ADGRE2: variants seen among roughly 807,000 people sequenced by gnomAD.
ADGRE2 encodes the protein CD97 antigen.
ADGRE2 carries 83 observed loss-of-function variants against 100.8 expected under a neutral mutation model. The ratio of observed to expected loss-of-function variants is 0.82; its 90% CI spans 0.69 to 0.99. The LOEUF (loss-of-function observed/expected upper bound fraction) is 0.99. Ranked by LOEUF, ADGRE2 falls within the 50% of genes least tolerant of loss-of-function variation. The pLI, the probability that ADGRE2 is intolerant of heterozygous loss-of-function variation, is 0.00. For synonymous variants in ADGRE2, 355 were observed against 413.0 expected, an observed-to-expected ratio of 0.86 and a Z score of 1.70; for missense variants, 814 against 1,035.7, an observed-to-expected ratio of 0.79 and a Z score of 2.94.
intron 11 of ADGRE2, among the ~76,000 whole-genome samples, chr19:14,762,390 G>T (rs1434512333): frequency 6.6e-6 from 1 of 152,084 alleles, no homozygotes; most frequent in East Asian, 1.9e-4. Context: ...AGACTAGATG[G>T]TCACATATTG....
chr19:14,731,353 C>T, downstream of ADGRE2: 2 of 667,508 alleles, frequency 3.0e-6, no homozygotes. Flanking sequence ...TCCGTGACAT[C>T]CGGGCTCCTT....
At chr19:14,770,684 T>TTTG (rs1568623367) in intron 5 of ADGRE2, among the ~76,000 whole-genome samples, 1 of 128,322 alleles carries the variant, frequency 7.8e-6, no homozygotes, top group African/African-American at 2.9e-5. Context: ...TTTTTTTTTT[T>TTTG]TTTTTTTTTT....
intron 16 of ADGRE2, among the ~76,000 whole-genome samples, chr19:14,750,413 T>A (rs1352915982): frequency 3.9e-5 from 6 of 152,092 alleles, no homozygotes; most frequent in African/African-American, 1.4e-4. Flanking sequence ...AAAGAATTTC[T>A]TTAACCTGAA....
At chr19:14,773,305 C>T (rs991525102) in intron 4 of ADGRE2, among the ~76,000 whole-genome samples, 2 of 146,910 alleles carry the variant, frequency 1.4e-5, no homozygotes, top group African/African-American at 5.1e-5. Context: ...TTCCTTCCTT[C>T]TTTCCTCCCT....
Position 14,765,362 on chromosome 19 carries a change from C to G in ADGRE2, c.864G>C (p.Leu288=), listed in dbSNP as rs540684090. ...LSRFFDKVQD[L]GRDYKPGLAN... is the part of the protein sequence containing the mutation. ...CCAAGCCTGGCTTGTAGTCTCTGCC[C>G]AGGTCCTGGACTTTGTCGAAGAATC... Residue 288 remains leucine, a synonymous_variant, in exon 10 of 21, where the codon CTG becomes CTC. Coordinates refer to ENST00000315576, the MANE Select transcript of ADGRE2 (RefSeq NM_013447.4). The G allele has an allele frequency of 3.7e-5, 60 of 1,614,040 alleles. No individual in the cohort carries two copies. The South Asian group carries it at 5.4e-4, about 14-fold the overall frequency.
Position 14,751,645 on chromosome 19 carries a change from G to A in ADGRE2, c.1815C>T (p.Thr605=), listed in dbSNP as rs1289191831. ...HKVLCSIIAG[T]LHYLYLATLT... ...AGGTGGCCAGGTAGAGATAGTGCAA[G>A]GTACCGGCGATGATGGAGCACAGCA... Residue 605 remains threonine (T), a synonymous_variant, in exon 16 of 21, where the codon ACC becomes ACT. Transcript: ENST00000315576. 8 of 1,614,040 alleles carry A rather than the reference G, an allele frequency of 5.0e-6. No homozygotes were observed. Among genetic ancestry groups the A allele is most frequent in the Non-Finnish European group, 6.8e-6 (8 of 1,179,998 alleles).
chr19:14,755,621 A>T (rs1568599610), intron 13 of ADGRE2, 33 bp downstream of exon 13: 1 of 1,592,362 alleles, frequency 6.3e-7, no homozygotes, highest in East Asian at 2.2e-5. Context: ...GACTCAGACT[A>T]TTCACCCACC....
At chr19:14,755,517 G>A (rs1330999662) in intron 13 of ADGRE2, 137 bp downstream of exon 13, 4 of 777,754 alleles carry the variant, frequency 5.1e-6, no homozygotes, top group African/African-American at 3.5e-5. Context: ...ACCCAAAGCC[G>A]GCTTGGGAAG....
chr19:14,773,357 T>C (rs2044294025), intron 4 of ADGRE2, among the ~76,000 whole-genome samples: 2 of 128,768 alleles, frequency 1.6e-5, no homozygotes, highest in Admixed American at 8.4e-5. Context: ...TCCCTCCCTC[T>C]CTCTCTTTTT....
rs1189594121 is a variant in ADGRE2, at chr19:14,744,717, AGT to A, written c.2184-935_2184-934del. 3.3e-5 allele frequency among the ~76,000 whole-genome samples: 5 copies of A among 151,758 alleles called. No individual in the cohort carries two copies. The East Asian group carries it at 9.7e-4, about 30-fold the overall frequency. On this transcript the variant is annotated intron_variant, in intron 18 of 20. Transcript: ENST00000315576. ...TGATCCGCCTACCTCGGCCTCCCAA[AGT>A]GTTAGGATTACAGGCGTGAGCCACC... is the stretch of plus-strand genomic sequence containing the variant.
intron 2 of ADGRE2, 141 bp downstream of exon 2, chr19:14,776,585 G>C: frequency 1.0e-6 from 1 of 986,502 alleles, no homozygotes; most frequent in Non-Finnish European, 1.5e-6. Flanking sequence ...CCGTGTGCCC[G>C]TGAGTGCCTG....
Position 14,764,563 on chromosome 19 carries a change from C to T in ADGRE2, c.954G>A (p.Leu318=), listed in dbSNP as rs1211847043. 1 of 1,612,830 alleles carries T rather than the reference C, an allele frequency of 6.2e-7. No individual in the cohort carries two copies. Among genetic ancestry groups the T allele is most frequent in the Non-Finnish European group, 8.5e-7 (1 of 1,179,926 alleles). ...GCTGCTGTAAGCGGGGCAGGGTCTC[C>T]AGGTCCCCAGGGGCCTCCAGCAGCT... ...LDELLEAPGD[L]ETLPRLQQHC... The change falls in exon 11 of 21, where the codon CTG becomes CTA. Residue 318 remains leucine (L), a synonymous_variant. Coordinates refer to ENST00000315576, the MANE Select transcript of ADGRE2 (RefSeq NM_013447.4).
At chr19:14,759,841 C>CA in intron 11 of ADGRE2, among the ~76,000 whole-genome samples, 1 of 116,090 alleles carries the variant, frequency 8.6e-6, no homozygotes, top group East Asian at 2.5e-4. Flanking sequence ...TTTTTTGAGA[C>CA]GGAGTCTCAC....
At chr19:14,773,096 AAACAAAAAAAAAAAG>A (rs2044275468) in intron 4 of ADGRE2, among the ~76,000 whole-genome samples, 1 of 137,156 alleles carries the variant, frequency 7.3e-6, no homozygotes, top group African/African-American at 3.0e-5. Context: ...AAAAAAAAAA[AAACAAAAAAAAAAAG>A]AAAAAAGAAA....
chr19:14,771,021 T>A (rs1000739800), intron 5 of ADGRE2, among the ~76,000 whole-genome samples: 1 of 152,030 alleles, frequency 6.6e-6, no homozygotes, highest in Non-Finnish European at 1.5e-5. Flanking sequence ...CTCTGTCCTT[T>A]GGTCAAGATA....
rs1314574320 is a variant in ADGRE2, at chr19:14,735,521, C to G, written c.*715G>C. 6.6e-6 allele frequency: 1 copy of G among 152,176 alleles called. No homozygotes were observed. Among genetic ancestry groups the G allele is most frequent in the Non-Finnish European group, 1.5e-5 (1 of 68,060 alleles). The allele number at this position is 152,176 out of a possible 1,614,324, so 9.4% of individuals were successfully genotyped here. A position where few individuals can be genotyped will look rare whatever the true frequency, so the allele number is the denominator to read the frequency against. On this transcript the variant is annotated 3_prime_UTR_variant, in exon 21 of 21. Transcript: ENST00000315576. ...TTTGAAATGGAATTTGTTGCACATC[C>G]CCGATCTGAGATTAGAAACTTTTCT...
Position 14,734,954 on chromosome 19 carries a change from C to G in ADGRE2, c.*1282G>C, listed in dbSNP as rs2042722580. ...TGAGCTTTGGCTGACACTATGTTGC[C>G]TGCTTTTTACTGTACACATGGCTGG... On this transcript the variant is annotated 3_prime_UTR_variant, in exon 21 of 21. Transcript: ENST00000315576. The G allele has an allele frequency of 1.3e-5, 2 of 152,232 alleles. No individual in the cohort carries two copies. Among genetic ancestry groups the G allele is most frequent in the African/African-American group, 4.8e-5 (2 of 41,428 alleles). The allele number at this position is 152,232 out of a possible 1,614,324, so 9.4% of individuals were successfully genotyped here.
intron 12 of ADGRE2, 41 bp downstream of exon 12, chr19:14,756,197 C>T: frequency 7.1e-7 from 1 of 1,400,960 alleles, no homozygotes; most frequent in South Asian, 1.2e-5. Context: ...TCTTTTCCCA[C>T]CATGAAGCTT....
chr19:14,728,290 C>T (rs951107754), downstream of ADGRE2, among the ~76,000 whole-genome samples: 2 of 152,168 alleles, frequency 1.3e-5, no homozygotes, highest in African/African-American at 4.8e-5. Context: ...GATAATTCTT[C>T]GAATATTTTT....
Sources: gnomAD v4.1 joint callset for allele counts (sites outside exome capture counted in the v4.1 genomes callset) on GRCh38, gnomAD v4.1.1 for gene constraint, MANE v1.5 for transcripts, NCBI Gene and HGNC (gene_info 2026-07-23, HGNC 2026-07-21) for gene names.